The following MACF1 variants were observed in gnomAD, a reference collection of about 807,000 sequenced individuals.
MACF1 encodes the protein microtubule-actin cross-linking factor 1.
MACF1 carries 193 observed loss-of-function variants against 854.8 expected under a neutral mutation model. The ratio of observed to expected loss-of-function variants is 0.23; its 90% CI spans 0.20 to 0.25. The LOEUF (loss-of-function observed/expected upper bound fraction) is 0.25. MACF1 is among the 10% of genes least tolerant of loss of function. MACF1 has a pLI of 1.00. For synonymous variants in MACF1, 3,185 were observed against 3,226.7 expected (o/e 0.99, Z 0.44); for missense variants, 7,722 against 8,929.1 (o/e 0.86, Z 5.45).
chr1:39,288,628 A>T (rs1241844273), intron 15 of MACF1, among the ~76,000 whole-genome samples: 3 of 151,748 alleles, frequency 2.0e-5, no homozygotes, highest in African/African-American at 7.3e-5. Flanking sequence ...GCGAAATCCC[A>T]TCTGTATGGA....
Position 39,340,913 on chromosome 1 carries a change from T to C in MACF1, c.10541T>C (p.Ile3514Thr). Residue 3514 changes from isoleucine to threonine, a missense_variant, in exon 40 of 101, where the codon ATA becomes ACA. Transcript: ENST00000564288. ...AACAGCAAGGGATCTAACAGTGAAA[T>C]AGATGTTGACAGCCTGAACCTCTGC... ...ILNSKGSNSE[I>T]DVDSLNLCLQ... The C allele has an allele frequency of 1.2e-6, 2 of 1,613,410 alleles. No individual in the cohort carries two copies. Among genetic ancestry groups the C allele is most frequent in the South Asian group, 1.1e-5 (1 of 90,848 alleles).
chr1:39,379,938 A>C (rs867819835), intron 54 of MACF1, among the ~76,000 whole-genome samples: 20 of 152,324 alleles, frequency 1.3e-4, no homozygotes, highest in South Asian at 2.1e-4. Context: ...GTAGCATCTC[A>C]TCTCCTTCAA....
rs927432341 is a variant in MACF1, at chr1:39,459,821, C to G, written c.21360+572C>G. 7 of 1,303,846 alleles carry G rather than the reference C, an allele frequency of 5.4e-6. No homozygotes were observed. The African/African-American group carries it at 1.1e-4, about 20-fold the overall frequency. The allele number at this position is 1,303,846 out of a possible 1,614,324, so 80.8% of individuals were successfully genotyped here. ...TTTTTATTTGTGCATATCAAAGCAG[C>G]TATGCCTGGAAGTGAGTGTTCTGTG... On this transcript the variant is annotated intron_variant, in intron 91 of 100. Transcript: ENST00000564288.
At chr1:39,229,989 G>A (rs555544137) in intron 1 of MACF1, among the ~76,000 whole-genome samples, 20 of 152,082 alleles carry the variant, frequency 1.3e-4, no homozygotes, top group Admixed American at 9.8e-4. Context: ...GTGATCCACC[G>A]GCCTCAGCCT....
intron 6 of MACF1, chr1:39,268,772 T>C (rs1357368641): frequency 7.8e-7 from 1 of 1,289,566 alleles, no homozygotes; most frequent in East Asian, 5.6e-5. Flanking sequence ...CCATATCTCC[T>C]AAGAAAAGGG....
chr1:39,147,664 A>G (rs923126858), intron 2 of MACF1, among the ~76,000 whole-genome samples: 1 of 152,054 alleles, frequency 6.6e-6, no homozygotes, highest in African/African-American at 2.4e-5. Flanking sequence ...GCCTACAGGC[A>G]CACACAACCA....
intron 2 of MACF1, among the ~76,000 whole-genome samples, chr1:39,132,296 T>C (rs1557473178): frequency 6.6e-6 from 1 of 152,324 alleles, no homozygotes; most frequent in East Asian, 1.9e-4. Flanking sequence ...AGACTTTAAA[T>C]ATTGGGGTCA....
At position 39,283,103 on chromosome 1, in the gene MACF1, G is replaced by T; in HGVS notation, c.696-86G>T. ...AACTCACTTAGTGTTTTTCAGCTCT[G>T]GGAACTTTCAGGAGGTTTTCTTTGT... On this transcript the variant is annotated intron_variant, in intron 7 of 100. Transcript: ENST00000564288. The surrounding 1 kb of genome is among the most constrained non-coding windows in gnomAD (Gnocchi z 4.5). The T allele has an allele frequency of 2.5e-6, 2 of 803,262 alleles. No homozygotes were observed. The highest frequency in any genetic ancestry group is 2.3e-5 in the Admixed American group (1 of 43,394). The allele number at this position is 803,262 out of a possible 1,614,324, so 49.8% of individuals were successfully genotyped here.
Position 39,332,341 on chromosome 1 carries a change from A to G in MACF1, c.5753A>G (p.Lys1918Arg), listed in dbSNP as rs1469561536. The G allele has an allele frequency of 6.2e-7, 1 of 1,614,072 alleles. No individual in the cohort carries two copies. Residue 1918 changes from lysine to arginine, a missense_variant, in exon 37 of 101, where the codon AAA (lysine) becomes AGA (arginine). Transcript: ENST00000564288. ...ILDRDLANNL[K>R]SICIPDVMPH... ...GATAGAGATCTTGCCAATAACTTAA[A>G]ATCGATTTGTATACCTGATGTGATG...
In MACF1 at chr1:39,341,075, C is replaced by T. The variant is rs1646925742; in HGVS notation, c.10581+122C>T. 3.3e-6 allele frequency: 3 copies of T among 904,410 alleles called. No individual in the cohort carries two copies. The East Asian group carries it at 8.7e-5, about 26-fold the overall frequency. The allele number at this position is 904,410 out of a possible 1,614,324, so 56.0% of individuals were successfully genotyped here. Reference sequence around the variant, plus strand: ...TTGAGACGGAGTCTTGCTCTGTCACCCAAGCTGGAGTGCAGTGGCACAATC... The same window carrying T: ...TTGAGACGGAGTCTTGCTCTGTCACTCAAGCTGGAGTGCAGTGGCACAATC... On this transcript the variant is annotated intron_variant, in intron 40 of 100. Transcript: ENST00000564288.
intron 6 of MACF1, among the ~76,000 whole-genome samples, chr1:39,281,916 C>G (rs1178744700): frequency 6.6e-6 from 1 of 152,168 alleles, no homozygotes; most frequent in Non-Finnish European, 1.5e-5. Flanking sequence ...CCATTTTATA[C>G]TCTCACTAGT....
At chr1:39,253,899 T>C (rs1645069759) in intron 4 of MACF1, among the ~76,000 whole-genome samples, 2 of 152,336 alleles carry the variant, frequency 1.3e-5, no homozygotes, top group African/African-American at 4.8e-5. Flanking sequence ...TAATTAGGAC[T>C]TTCCACCCTT....
At chr1:39,458,528 C>T in intron 90 of MACF1, 38 bp downstream of exon 90, 1 of 1,573,416 alleles carries the variant, frequency 6.4e-7, no homozygotes, top group Non-Finnish European at 8.6e-7. Context: ...TGCTTCATTC[C>T]TGCTAATTGA....
chr1:39,255,272 T>C (rs980236898), intron 5 of MACF1, among the ~76,000 whole-genome samples: 3 of 152,058 alleles, frequency 2.0e-5, no homozygotes, highest in East Asian at 3.9e-4. Context: ...AGAGCACAAG[T>C]GGTGTGGCCA....
intron 10 of MACF1, 73 bp downstream of exon 10, chr1:39,284,258 C>T: frequency 6.3e-7 from 1 of 1,576,856 alleles, no homozygotes; most frequent in South Asian, 1.2e-5. Flanking sequence ...TCACTGCTGG[C>T]TTCTAGGTGA....
chr1:39,155,540 C>T (rs564906871), intron 2 of MACF1, among the ~76,000 whole-genome samples: 10 of 152,296 alleles, frequency 6.6e-5, no homozygotes, highest in Admixed American at 5.9e-4. Context: ...CAGATCATGA[C>T]ACAGAAGAGG....
Position 39,413,751 on chromosome 1 carries a change from A to G in MACF1, c.15817-8623A>G, listed in dbSNP as rs764873484. 5 of 1,605,272 alleles carry G rather than the reference A, an allele frequency of 3.1e-6. No individual in the cohort carries two copies. The Admixed American group carries it at 8.4e-5, about 27-fold the overall frequency. On this transcript the variant is annotated intron_variant, in intron 58 of 100. Coordinates refer to ENST00000564288, the MANE Select transcript of MACF1 (RefSeq NM_001394062.1). ...AGGAATCCGCCTCCGCAGCTGTTGC[A>G]GTGCCCACCCCCGAGGAATCTGCCT... is the stretch of plus-strand genomic sequence containing the variant.
Position 39,287,293 on chromosome 1 carries a change from C to T in MACF1, c.1516C>T (p.Arg506Cys), listed in dbSNP as rs751261381. The change falls in exon 15 of 101, where the codon CGT (arginine) becomes TGT (cysteine). Residue 506 changes from arginine (R) to cysteine (C), a missense_variant. Physicochemically the swap from Arg to Cys is radical, Grantham distance 180. This residue lies in a region of MACF1 where 1,137 missense variants were observed against 1,263.0 expected (regional missense o/e 0.90). Transcript: ENST00000564288. ...TCTCTTCTTCCATTTCAGGGTCATGCGTCTTCAGGATGAGCTGGTCACCTT... is the reference window on the plus strand; with the variant it reads ...TCTCTTCTTCCATTTCAGGGTCATGTGTCTTCAGGATGAGCTGGTCACCTT... ...QLEELAFRVM[R>C]LQDELVTLRL... 1.8e-5 allele frequency: 29 copies of T among 1,613,586 alleles called. No homozygotes were observed. The highest frequency in any genetic ancestry group is 2.2e-5 in the Non-Finnish European group (26 of 1,179,654).
At chr1:39,412,328 A>C (rs748820728) in intron 58 of MACF1, 10 of 1,614,072 alleles carry the variant, frequency 6.2e-6, no homozygotes, top group Non-Finnish European at 7.6e-6. Context: ...GAAAGTGGGA[A>C]TGTAACTGTT....
Sources: gnomAD v4.1 joint callset for allele counts (sites outside exome capture counted in the v4.1 genomes callset) on GRCh38, gnomAD v4.1.1 for gene constraint, gnomAD v4.1.1 regional missense constraint, Gnocchi (gnomAD v3.1) non-coding constraint, MANE v1.5 for transcripts, NCBI Gene and HGNC (gene_info 2026-07-23, HGNC 2026-07-21) for gene names.